The following AUTS2 variants were observed in gnomAD, a reference collection of about 807,000 sequenced individuals.
The protein encoded by AUTS2 is autism susceptibility gene 2 protein.
In AUTS2, 17 loss-of-function variants were observed where a neutral mutation model predicts 112.4. The observed-to-expected ratio is 0.15, with a 90% CI of 0.10 to 0.23. The LOEUF is 0.23. Among genes scored for constraint, AUTS2 ranks in the 10% least tolerant of loss-of-function variants. The pLI is 1.00. For missense variants in AUTS2, 1,510 were observed against 1,701.6 expected, an observed-to-expected ratio of 0.89 and a Z score of 1.98; for synonymous variants, 751 against 702.7, an observed-to-expected ratio of 1.07 and a Z score of -1.09.
At chr7:70,498,611 A>G (rs1798653526) in intron 5 of AUTS2, among the ~76,000 whole-genome samples, 1 of 152,128 alleles carries the variant, frequency 6.6e-6, no homozygotes, top group African/African-American at 2.4e-5. Flanking sequence ...CTTATATTTT[A>G]AATGCCAGTC....
At chr7:70,780,663 C>T (rs926921909) in intron 14 of AUTS2, among the ~76,000 whole-genome samples, 1 of 152,144 alleles carries the variant, frequency 6.6e-6, no homozygotes, top group African/African-American at 2.4e-5. Flanking sequence ...GTTTACTTGT[C>T]TGGATGGACA....
chr7:69,980,607 G>A (rs1381819608), intron 2 of AUTS2, among the ~76,000 whole-genome samples: 1 of 151,752 alleles, frequency 6.6e-6, no homozygotes, highest in Non-Finnish European at 1.5e-5. Context: ...AAAAAAAAAA[G>A]TGTACGCTTA....
At chr7:70,211,842 G>T (rs1315858121) in intron 4 of AUTS2, among the ~76,000 whole-genome samples, 1 of 149,060 alleles carries the variant, frequency 6.7e-6, no homozygotes, top group African/African-American at 2.5e-5. Flanking sequence ...AAAAATTAGC[G>T]GGGCGTGATG....
At chr7:69,779,135 C>A (rs891803331) in intron 1 of AUTS2, among the ~76,000 whole-genome samples, 1 of 150,134 alleles carries the variant, frequency 6.7e-6, no homozygotes, top group Non-Finnish European at 1.5e-5. Context: ...TCAAGTGATC[C>A]GTCTCTGCCT....
intron 5 of AUTS2, among the ~76,000 whole-genome samples, chr7:70,445,316 T>A (rs1796278369): frequency 6.6e-6 from 1 of 152,152 alleles, no homozygotes; most frequent in Admixed American, 6.6e-5. Context: ...TACGTCAGTG[T>A]GAGTTGGGAT....
chr7:70,072,138 T>A (rs933862412), intron 2 of AUTS2, among the ~76,000 whole-genome samples: 2 of 152,218 alleles, frequency 1.3e-5, no homozygotes, highest in Admixed American at 6.5e-5. Flanking sequence ...TCACCCTTTT[T>A]AATTTTTCTT....
intron 4 of AUTS2, among the ~76,000 whole-genome samples, chr7:70,153,524 T>G (rs1357233524): frequency 6.6e-6 from 1 of 152,158 alleles, no homozygotes; most frequent in South Asian, 2.1e-4. Flanking sequence ...ACAGATATAT[T>G]TATAGGTCAA....
intron 2 of AUTS2, among the ~76,000 whole-genome samples, chr7:70,046,277 A>AT (rs1479355053): frequency 4.6e-5 from 7 of 152,282 alleles, no homozygotes; most frequent in African/African-American, 1.7e-4. Context: ...TGTCTGTATA[A>AT]TAGGAAGTAA....
chr7:69,855,021 T>C (rs562868277), intron 1 of AUTS2, among the ~76,000 whole-genome samples: 1 of 152,354 alleles, frequency 6.6e-6, no homozygotes, highest in East Asian at 1.9e-4. Context: ...ATAGAGACTT[T>C]ATTGATGAAT....
At chr7:70,642,717 T>C (rs2129540483) in intron 5 of AUTS2, among the ~76,000 whole-genome samples, 1 of 152,336 alleles carries the variant, frequency 6.6e-6, no homozygotes, top group South Asian at 2.1e-4. Context: ...TCTGAGTATC[T>C]CCTTCCATTC....
chr7:70,369,057 C>T (rs1477887580), intron 4 of AUTS2, among the ~76,000 whole-genome samples: 1 of 152,130 alleles, frequency 6.6e-6, no homozygotes, highest in Non-Finnish European at 1.5e-5. Flanking sequence ...TTAGAAGCTG[C>T]CCATCAATAA....
chr7:70,113,765 T>G (rs925626645), intron 2 of AUTS2, among the ~76,000 whole-genome samples: 1 of 152,206 alleles, frequency 6.6e-6, no homozygotes, highest in Non-Finnish European at 1.5e-5. Flanking sequence ...TGACACCTAC[T>G]GGGCAAGTAG....
At chr7:70,157,060 C>G (rs1452664489) in intron 4 of AUTS2, among the ~76,000 whole-genome samples, 1 of 151,266 alleles carries the variant, frequency 6.6e-6, no homozygotes, top group African/African-American at 2.4e-5. Context: ...CCGGGTGACA[C>G]AGTGCAAGAC....
intron 5 of AUTS2, among the ~76,000 whole-genome samples, chr7:70,684,576 T>C (rs992171182): frequency 6.7e-6 from 1 of 150,372 alleles, no homozygotes; most frequent in African/African-American, 2.5e-5. Flanking sequence ...TGGCGTGGTA[T>C]GGTGTGGCGT....
intron 5 of AUTS2, among the ~76,000 whole-genome samples, chr7:70,487,739 G>A (rs1798069204): frequency 6.6e-6 from 1 of 152,196 alleles, no homozygotes; most frequent in African/African-American, 2.4e-5. Flanking sequence ...CAAGCCGTGA[G>A]GAGCGAGGAG....
At chr7:69,911,397 C>A (rs1026475916) in intron 2 of AUTS2, among the ~76,000 whole-genome samples, 2 of 152,212 alleles carry the variant, frequency 1.3e-5, no homozygotes, top group African/African-American at 4.8e-5. Flanking sequence ...CTCTTCTCTC[C>A]TTCTCATTAA....
In AUTS2 at chr7:70,188,070, T is replaced by C. The variant is rs568716488; in HGVS notation, c.660+53499T>C. 3.3e-5 allele frequency among the ~76,000 whole-genome samples: 5 copies of C among 152,264 alleles called. No homozygotes were observed. In the East Asian group the frequency reaches 9.6e-4, roughly 29 times the overall value. On this transcript the variant is annotated intron_variant, in intron 4 of 18. Coordinates refer to ENST00000342771, the MANE Select transcript of AUTS2 (RefSeq NM_015570.4). ...TAATTAACAGGTGATAAACCTTGCT[T>C]TTACTTCCTTGTCCCATCACATTCA...
At chr7:69,883,080 C>T (rs1409123073) in intron 1 of AUTS2, among the ~76,000 whole-genome samples, 1 of 152,110 alleles carries the variant, frequency 6.6e-6, no homozygotes, top group African/African-American at 2.4e-5. Flanking sequence ...GGCATTTGTT[C>T]ATGTTCGTAA....
At chr7:69,962,092 G>C (rs1797453562) in intron 2 of AUTS2, among the ~76,000 whole-genome samples, 1 of 152,162 alleles carries the variant, frequency 6.6e-6, no homozygotes, top group Non-Finnish European at 1.5e-5. Flanking sequence ...GTAGAGAGGG[G>C]AAGGAACCTT....
Sources: allele counts gnomAD v4.1 joint callset (sites outside exome capture counted in the v4.1 genomes callset), GRCh38; gene constraint gnomAD v4.1.1; transcripts MANE v1.5; gene names NCBI Gene and HGNC (gene_info 2026-07-23, HGNC 2026-07-21).